UBR1: variants seen among roughly 807,000 people sequenced by gnomAD.
UBR1 encodes the protein E3 ubiquitin-protein ligase UBR1.
In UBR1, 102 loss-of-function variants were observed where a neutral mutation model predicts 242.1. The observed-to-expected ratio is 0.42, with a 90% CI of 0.36 to 0.50. The LOEUF (loss-of-function observed/expected upper bound fraction) is 0.50, where lower values mean the gene tolerates loss of function less well. UBR1 is among the 20% of genes least tolerant of loss of function. The pLI is 0.01. For missense variants in UBR1, 1,772 were observed against 2,101.8 expected (o/e 0.84, Z 3.07); for synonymous variants, 675 against 684.8 (o/e 0.99, Z 0.22).
chr15:43,025,611 A>G lies in UBR1; in HGVS notation c.2536-182T>C, dbSNP rs188084246. 19 of 585,516 alleles carry G rather than the reference A, an allele frequency of 3.2e-5. No homozygotes were observed. The East Asian group carries it at 5.2e-4, about 16-fold the overall frequency. The allele number at this position is 585,516 out of a possible 1,614,324, so 36.3% of individuals were successfully genotyped here. ...TCTAGAGAAACCTAATGCAAAATAGATGAGGAATATCCCTGATCAAAAACT... is the reference window on the plus strand; with the variant it reads ...TCTAGAGAAACCTAATGCAAAATAGGTGAGGAATATCCCTGATCAAAAACT... On this transcript the variant is annotated intron_variant, in intron 23 of 46. Transcript: ENST00000290650.
At chr15:43,072,167 T>A (rs769034161) in intron 4 of UBR1, among the ~76,000 whole-genome samples, 3 of 151,990 alleles carry the variant, frequency 2.0e-5, no homozygotes, top group Non-Finnish European at 4.4e-5. Flanking sequence ...AATAAGCTTT[T>A]CATACGATAT....
At chr15:43,101,893 G>A (rs1236177815) in intron 1 of UBR1, among the ~76,000 whole-genome samples, 2 of 150,716 alleles carry the variant, frequency 1.3e-5, no homozygotes, top group East Asian at 1.9e-4. Flanking sequence ...GCTTGAACCC[G>A]GGAGGTAGAG....
At chr15:43,043,440 T>C (rs371261072) in intron 14 of UBR1, 45 bp from the exon 15 acceptor site, 116 of 1,595,036 alleles carry the variant, frequency 7.3e-5, no homozygotes, top group Middle Eastern at 5.0e-4. Context: ...TTTTCTACTT[T>C]AACACTTTTT....
At chr15:43,050,249 T>G (rs2033537714) in intron 12 of UBR1, among the ~76,000 whole-genome samples, 1 of 152,022 alleles carries the variant, frequency 6.6e-6, no homozygotes, top group Admixed American at 6.6e-5. Context: ...GAATCTGAAC[T>G]TAAGGAAGCT....
At chr15:43,027,506 T>A (rs1035629047) in intron 22 of UBR1, among the ~76,000 whole-genome samples, 10 of 151,794 alleles carry the variant, frequency 6.6e-5, no homozygotes, top group Non-Finnish European at 1.5e-4. Context: ...GGAAAGAGAG[T>A]ATCAGAAAAG....
chr15:43,021,319 G>A lies in UBR1; in HGVS notation c.2896C>T (p.Pro966Ser). ...ATGTCCTTCTGGCCTTCTAACTGGGGAATTCCTTTGAGTTTTTCCAAAAGC... is the reference window on the plus strand; with the variant it reads ...ATGTCCTTCTGGCCTTCTAACTGGGAAATTCCTTTGAGTTTTTCCAAAAGC... Reference protein sequence around the residue: ...QMLLEKLKGIPQLEGQKDMIT... With the variant: ...QMLLEKLKGISQLEGQKDMIT... The change falls in exon 27 of 47, where the codon CCC becomes TCC. Residue 966 changes from proline (P) to serine (S), a missense_variant. Transcript: ENST00000290650. 1 of 1,613,704 alleles carries A rather than the reference G, an allele frequency of 6.2e-7. No homozygotes were observed. The highest frequency in any genetic ancestry group is 8.5e-7 in the Non-Finnish European group (1 of 1,179,832).
chr15:43,084,499 C>T (rs1275195296), intron 2 of UBR1, among the ~76,000 whole-genome samples: 1 of 152,206 alleles, frequency 6.6e-6, no homozygotes, highest in African/African-American at 2.4e-5. Flanking sequence ...CTCTGTTGCC[C>T]AGGCTGGAGT....
chr15:43,009,933 C>T (rs187079162), intron 29 of UBR1, among the ~76,000 whole-genome samples: 96 of 152,312 alleles, frequency 6.3e-4, no homozygotes, highest in African/African-American at 2.3e-3. Flanking sequence ...TGCAGTGGCG[C>T]GATCTCGGCT....
intron 28 of UBR1, among the ~76,000 whole-genome samples, chr15:43,016,866 C>A (rs1051050720): frequency 6.6e-6 from 1 of 152,154 alleles, no homozygotes; most frequent in Non-Finnish European, 1.5e-5. Context: ...CAGAGCTCTA[C>A]GATATATCAA....
intron 37 of UBR1, among the ~76,000 whole-genome samples, chr15:42,983,282 G>C (rs542453917): frequency 2.6e-5 from 4 of 152,264 alleles, no homozygotes; most frequent in African/African-American, 9.6e-5. Flanking sequence ...ATGGATGTTA[G>C]TGGTTGTAGA....
chr15:43,038,951 A>G (rs1364812526), intron 15 of UBR1, among the ~76,000 whole-genome samples: 6 of 151,874 alleles, frequency 4.0e-5, no homozygotes, highest in Admixed American at 1.3e-4. Context: ...TTTAACAAAA[A>G]TTTTTATTTT....
In UBR1 at chr15:43,070,938, C is replaced by A. The variant is rs1265375100; in HGVS notation, c.529-13G>T. On this transcript the variant is annotated splice_polypyrimidine_tract_variant and intron_variant, in intron 4 of 46. Coordinates refer to ENST00000290650, the MANE Select transcript of UBR1 (RefSeq NM_174916.3). ...GACAGCGTGAATTCTATAAAAAAGC[C>A]GAGAAAAACATACTAGTCAAGATTG... The A allele has an allele frequency of 8.7e-6, 14 of 1,611,834 alleles. No homozygotes were observed. The highest frequency in any genetic ancestry group is 1.2e-5 in the Non-Finnish European group (14 of 1,179,838).
intron 6 of UBR1, among the ~76,000 whole-genome samples, chr15:43,061,508 G>GA (rs558072476): frequency 5.1e-4 from 77 of 152,136 alleles, no homozygotes; most frequent in African/African-American, 1.9e-3. Flanking sequence ...AAGAAACTGT[G>GA]ATAGATATAG....
chr15:42,990,937 C>A (rs1279435840), intron 33 of UBR1, among the ~76,000 whole-genome samples: 1 of 151,704 alleles, frequency 6.6e-6, no homozygotes, highest in African/African-American at 2.4e-5. Context: ...GGTTGTTTTT[C>A]TCTGGTTGCT....
intron 39 of UBR1, among the ~76,000 whole-genome samples, chr15:42,971,142 A>T (rs1210986724): frequency 6.6e-6 from 1 of 152,226 alleles, no homozygotes; most frequent in Non-Finnish European, 1.5e-5. Flanking sequence ...TTTACTTGCT[A>T]AACATGTAAA....
chr15:43,059,021 T>C, intron 9 of UBR1, 64 bp downstream of exon 9: 2 of 1,251,122 alleles, frequency 1.6e-6, no homozygotes, highest in Admixed American at 1.7e-5. Context: ...ATATTACAGC[T>C]CCACTTTAAG....
chr15:43,005,951 G>C (rs1307302525), intron 30 of UBR1, among the ~76,000 whole-genome samples: 2 of 149,446 alleles, frequency 1.3e-5, no homozygotes, highest in African/African-American at 2.5e-5. Context: ...CAAACACTGC[G>C]GAAGGCCGCA....
At chr15:42,986,046 T>C (rs2032454612) in intron 35 of UBR1, among the ~76,000 whole-genome samples, 1 of 139,952 alleles carries the variant, frequency 7.1e-6, no homozygotes, top group Non-Finnish European at 1.6e-5. Context: ...AATACCAAAA[T>C]CACAGATTTG....
chr15:43,089,268 G>A (rs575817936), intron 1 of UBR1, among the ~76,000 whole-genome samples: 8 of 152,146 alleles, frequency 5.3e-5, no homozygotes, highest in South Asian at 4.1e-4. Flanking sequence ...CGAGAAGGGC[G>A]GATTACGAGG....
Sources: allele counts gnomAD v4.1 joint callset (sites outside exome capture counted in the v4.1 genomes callset), GRCh38; gene constraint gnomAD v4.1.1; transcripts MANE v1.5; gene names NCBI Gene and HGNC (gene_info 2026-07-23, HGNC 2026-07-21).